The following NRF1 variants were observed in gnomAD, a reference collection of about 807,000 sequenced individuals.
NRF1 encodes alpha palindromic-binding protein.
In NRF1, 5 loss-of-function variants were observed where a neutral mutation model predicts 58.5. The observed-to-expected ratio is 0.09, with a 90% CI of 0.04 to 0.18. NRF1 has a LOEUF of 0.18. Ranked by LOEUF, NRF1 falls within the 10% of genes least tolerant of loss-of-function variation. The pLI is 1.00. For missense variants in NRF1, 288 were observed against 657.7 expected, an observed-to-expected ratio of 0.44 and a Z score of 6.15; for synonymous variants, 224 against 246.7, an observed-to-expected ratio of 0.91 and a Z score of 0.86.
intron 4 of NRF1, among the ~76,000 whole-genome samples, chr7:129,688,032 GAAATTGTTTGAAACTGGCTA>G (rs1455603548): frequency 1.3e-5 from 2 of 152,216 alleles, no homozygotes; most frequent in Non-Finnish European, 2.9e-5. Context: ...AAAAATGGCT[GAAATTGTTTGAAACTGGCTA>G]ATAAAGAAGT....
At chr7:129,724,087 C>CT (rs1366888358) in intron 9 of NRF1, among the ~76,000 whole-genome samples, 22 of 152,306 alleles carry the variant, frequency 1.4e-4, no homozygotes, top group African/African-American at 5.3e-4. Context: ...CATCAAAAGA[C>CT]TATCAGTAGA....
intron 3 of NRF1, among the ~76,000 whole-genome samples, chr7:129,676,226 G>A (rs930403659): frequency 3.3e-5 from 5 of 152,172 alleles, no homozygotes; most frequent in African/African-American, 1.2e-4. Context: ...CTTATCATTT[G>A]TGTGTTCATT....
intron 4 of NRF1, among the ~76,000 whole-genome samples, chr7:129,679,868 G>A (rs1802267124): frequency 6.6e-6 from 1 of 151,956 alleles, no homozygotes; most frequent in Non-Finnish European, 1.5e-5. Context: ...GACCAGCCTG[G>A]CCAATATGGT....
chr7:129,738,494 G>A (rs1803773876), intron 10 of NRF1, among the ~76,000 whole-genome samples: 1 of 152,236 alleles, frequency 6.6e-6, no homozygotes, highest in African/African-American at 2.4e-5. Context: ...TCTCTAAGAT[G>A]AATCGTTTTC....
intron 1 of NRF1, among the ~76,000 whole-genome samples, chr7:129,622,491 CAG>C (rs1199873448): frequency 6.6e-6 from 1 of 151,652 alleles, no homozygotes; most frequent in African/African-American, 2.4e-5. Context: ...TGTAGAAAAA[CAG>C]AAGAAAATTA....
chr7:129,749,057 G>A (rs1562993267), intron 10 of NRF1, among the ~76,000 whole-genome samples: 1 of 152,192 alleles, frequency 6.6e-6, no homozygotes, highest in Admixed American at 6.5e-5. Flanking sequence ...AAAACCTCAT[G>A]GCCCCTTGTT....
At chr7:129,660,820 C>G (rs1485134466) in intron 2 of NRF1, among the ~76,000 whole-genome samples, 1 of 150,884 alleles carries the variant, frequency 6.6e-6, no homozygotes, top group Non-Finnish European at 1.5e-5. Flanking sequence ...GACAGTGGCC[C>G]TCTTCTCACA....
intron 10 of NRF1, among the ~76,000 whole-genome samples, chr7:129,752,332 T>G (rs1804138052): frequency 7.5e-6 from 1 of 133,786 alleles, no homozygotes. Context: ...CCCAAAAGAG[T>G]GTGGCTGATA....
chr7:129,687,533 C>T (rs1045594518), intron 4 of NRF1, among the ~76,000 whole-genome samples: 4 of 152,188 alleles, frequency 2.6e-5, no homozygotes, highest in African/African-American at 4.8e-5. Context: ...GCCTCGGCCT[C>T]CCAAAGTGCT....
At chr7:129,662,383 AGTGTGTGTGT>A (rs3042950) in intron 2 of NRF1, among the ~76,000 whole-genome samples, 30,901 of 145,668 alleles carry the variant, frequency 0.21, 3,424 homozygotes, top group East Asian at 0.43. Context: ...TAGAATTTCT[AGTGTGTGTGT>A]GTGTGTGTGT....
intron 8 of NRF1, among the ~76,000 whole-genome samples, chr7:129,714,876 G>A (rs1309323418): frequency 6.6e-6 from 1 of 152,114 alleles, no homozygotes; most frequent in Admixed American, 6.6e-5. Flanking sequence ...ACAGTAACAA[G>A]CAGGCACAAG....
chr7:129,709,855 C>T (rs1584662051), intron 6 of NRF1, among the ~76,000 whole-genome samples: 1 of 151,600 alleles, frequency 6.6e-6, no homozygotes, highest in African/African-American at 2.4e-5. Context: ...CTCAGCCTCC[C>T]GAGTAGTTGG....
At chr7:129,671,357 A>T in intron 2 of NRF1, 72 bp from the exon 3 acceptor site, 3 of 869,260 alleles carry the variant, frequency 3.5e-6, no homozygotes, top group Non-Finnish European at 5.6e-6. Flanking sequence ...CCTTTTTTGT[A>T]CCTTTAATTG....
intron 1 of NRF1, among the ~76,000 whole-genome samples, chr7:129,644,764 T>G (rs1201840045): frequency 6.6e-6 from 1 of 152,216 alleles, no homozygotes; most frequent in Admixed American, 6.5e-5. Flanking sequence ...GGAAAGATGT[T>G]CCGGCAAGCC....
chr7:129,620,975 C>T (rs1800785672), intron 1 of NRF1, among the ~76,000 whole-genome samples: 1 of 152,208 alleles, frequency 6.6e-6, no homozygotes, highest in East Asian at 1.9e-4. Context: ...TTATGGAATA[C>T]TTTGAGATCC....
intron 10 of NRF1, among the ~76,000 whole-genome samples, chr7:129,747,586 T>G (rs1045220589): frequency 6.6e-6 from 1 of 152,202 alleles, no homozygotes; most frequent in Non-Finnish European, 1.5e-5. Flanking sequence ...CTGTAATAGA[T>G]TTTAATGTGT....
intron 10 of NRF1, among the ~76,000 whole-genome samples, chr7:129,743,044 A>G (rs1003459794): frequency 6.6e-6 from 1 of 152,142 alleles, no homozygotes; most frequent in Non-Finnish European, 1.5e-5. Context: ...TTGGAAGGAA[A>G]AAATGAAATT....
intron 2 of NRF1, among the ~76,000 whole-genome samples, chr7:129,665,170 G>T (rs1034186458): frequency 6.6e-6 from 1 of 152,242 alleles, no homozygotes; most frequent in South Asian, 2.1e-4. Context: ...AGGACTTGCA[G>T]ATGGGAAATG....
intron 10 of NRF1, among the ~76,000 whole-genome samples, chr7:129,752,780 A>G (rs1804151307): frequency 6.6e-6 from 1 of 152,238 alleles, no homozygotes; most frequent in South Asian, 2.1e-4. Context: ...AAAGACAGTT[A>G]AGAGCAATTT....
Sources: allele counts gnomAD v4.1 joint callset (sites outside exome capture counted in the v4.1 genomes callset), GRCh38; gene constraint gnomAD v4.1.1; transcripts MANE v1.5; gene names NCBI Gene and HGNC (gene_info 2026-07-23, HGNC 2026-07-21).